CAD: variants seen among roughly 807,000 people sequenced by gnomAD.
CAD encodes multifunctional protein CAD.
CAD carries 81 observed loss-of-function variants against 237.2 expected under a neutral mutation model. That is an observed-to-expected ratio of 0.34 (90% CI 0.29 to 0.41). CAD has a LOEUF of 0.41. Among genes scored for constraint, CAD ranks in the 10% least tolerant of loss-of-function variants. The pLI is 1.00. For missense variants in CAD, 2,181 were observed against 2,951.7 expected (o/e 0.74, Z 6.05); for synonymous variants, 1,196 against 1,162.8 (o/e 1.03, Z -0.58).
intron 16 of CAD, 69 bp from the exon 17 acceptor site, chr2:27,231,911 C>T (rs1377798044): frequency 1.3e-6 from 2 of 1,581,196 alleles, no homozygotes; most frequent in African/African-American, 2.7e-5. Flanking sequence ...GAGACAAGAG[C>T]AGCTACTTAC....
At position 27,221,850 on chromosome 2, in the gene CAD, G is replaced by A. The variant is rs140097183; in HGVS notation, c.353-344G>A. Among the ~76,000 whole-genome samples the A allele has an allele frequency of 5.8e-3, 747 of 128,386 alleles. 3 individuals carry two copies. Among genetic ancestry groups the A allele is most frequent in the African/African-American group, 0.021 (701 of 32,908 alleles). 84.2% of individuals were successfully genotyped at this position (128,386 alleles called of 152,430 possible). The stretch of plus-strand genomic sequence containing the variant: ...TTGGTTGATAAGTCTCTTAATCTGT[G>A]GACCTTGTAACCTATTTGAAAACAG... On this transcript the variant is annotated intron_variant, in intron 3 of 43. Transcript: ENST00000264705.
Position 27,223,655 on chromosome 2 carries a change from C to G in CAD, c.902C>G (p.Thr301Arg). Reference sequence around the variant, plus strand: ...CAGAACCATGGGTTTGCTGTGGAGACAGACTCACTGCCAGCAGACTGGGCT... The same window carrying G: ...CAGAACCATGGGTTTGCTGTGGAGAGAGACTCACTGCCAGCAGACTGGGCT... Reference protein sequence around the residue: ...TSQNHGFAVETDSLPADWAPL... With the variant: ...TSQNHGFAVERDSLPADWAPL... Residue 301 changes from threonine (T) to arginine (R), a missense_variant, in exon 7 of 44, where the codon ACA becomes AGA. Coordinates refer to ENST00000264705, the MANE Select transcript of CAD (RefSeq NM_004341.5). The G allele has an allele frequency of 6.2e-7, 1 of 1,614,146 alleles. No homozygotes were observed. The highest frequency in any genetic ancestry group is 8.5e-7 in the Non-Finnish European group (1 of 1,180,016).
At position 27,232,507 on chromosome 2, in the gene CAD, A is replaced by G. The variant is rs1340654473; in HGVS notation, c.2705A>G (p.Gln902Arg). Residue 902 changes from glutamine to arginine, a missense_variant, in exon 18 of 44, where the codon CAG (glutamine) becomes CGG (arginine). Transcript: ENST00000264705. The surrounding 1 kb of genome is among the most constrained non-coding windows in gnomAD (Gnocchi z 4.1). ...CTGGGGATCTGTCCAGCAGTGAAAC[A>G]GATTGACACAGTTGCAGCTGAGTGG... The part of the protein sequence containing the change: ...QELGICPAVK[Q>R]IDTVAAEWPA... The G allele has an allele frequency of 1.2e-6, 2 of 1,614,240 alleles. No individual in the cohort carries two copies. The highest frequency in any genetic ancestry group is 1.7e-4 in the Middle Eastern group (1 of 6,060).
chr2:27,240,092 T>C lies in CAD; in HGVS notation c.5497-173T>C. 1 of 636,198 alleles carries C rather than the reference T, an allele frequency of 1.6e-6. No homozygotes were observed. The highest frequency in any genetic ancestry group is 2.7e-6 in the Non-Finnish European group (1 of 365,124). 39.4% of individuals were successfully genotyped at this position (636,198 alleles called of 1,614,324 possible). Reference sequence around the variant, plus strand: ...CCCATCTCTACTAAAAATAAAAAAATTAGCCAGGCGTGGTGGTGCACATCT... The same window carrying C: ...CCCATCTCTACTAAAAATAAAAAAACTAGCCAGGCGTGGTGGTGCACATCT... On this transcript the variant is annotated intron_variant, in intron 34 of 43. Transcript: ENST00000264705. This position sits in a 1 kb window ranked among gnomAD's most constrained non-coding sequence, Gnocchi z 4.6.
Position 27,242,170 on chromosome 2 carries a change from A to C in CAD, c.6096+47A>C. On this transcript the variant is annotated intron_variant, in intron 39 of 43. Transcript: ENST00000264705. The surrounding 1 kb of genome is among the most constrained non-coding windows in gnomAD (Gnocchi z 6.4). ...AGATGGGGTTAAGAAGGCTGGACCC[A>C]GGGGCATGAGAACCCTTCTGCCCAC... is the stretch of plus-strand genomic sequence containing the variant. 1 of 1,599,588 alleles carries C rather than the reference A, an allele frequency of 6.3e-7. No homozygotes were observed. The highest frequency in any genetic ancestry group is 2.2e-5 in the East Asian group (1 of 44,564).
chr2:27,232,269 G>A lies in CAD; in HGVS notation c.2645+45G>A, dbSNP rs1284373905. 1 of 1,608,156 alleles carries A rather than the reference G, an allele frequency of 6.2e-7. No homozygotes were observed. The highest frequency in any genetic ancestry group is 1.7e-5 in the Admixed American group (1 of 59,962). On this transcript the variant is annotated intron_variant, in intron 17 of 43. Coordinates refer to ENST00000264705, the MANE Select transcript of CAD (RefSeq NM_004341.5). The surrounding 1 kb of genome is among the most constrained non-coding windows in gnomAD (Gnocchi z 4.1). The stretch of plus-strand genomic sequence containing the variant: ...GCTTCCGGCTGGGAAATGTGGGGCA[G>A]AACCTTTGTATCAGTGAGGGACCCT...
At chr2:27,229,047 T>C (rs1276844880) in intron 15 of CAD, among the ~76,000 whole-genome samples, 1 of 151,206 alleles carries the variant, frequency 6.6e-6, no homozygotes, top group Non-Finnish European at 1.5e-5. Flanking sequence ...GCCTCCTGAG[T>C]AGCTGGGACT....
Position 27,233,321 on chromosome 2 carries a change from G to A in CAD, c.3001G>A (p.Asp1001Asn), listed in dbSNP as rs1038158706. 4.3e-6 allele frequency: 7 copies of A among 1,613,934 alleles called. No individual in the cohort carries two copies. Among genetic ancestry groups the A allele is most frequent in the Non-Finnish European group, 5.9e-6 (7 of 1,179,812 alleles). ...FDEISFEVVM[D>N]IYELENPEGV... ...TCCCCCTGCAACGTAGGTGGTGATG[G>A]ACATCTATGAGCTCGAGAACCCTGA... The change falls in exon 20 of 44, where the codon GAC (aspartate) becomes AAC (asparagine). Residue 1001 changes from aspartate (D) to asparagine (N), a missense_variant. Around this residue, in one of 12 missense-constraint regions of CAD, gnomAD observed 385 missense variants for 535.1 expected, o/e 0.72. Transcript: ENST00000264705. This position sits in a 1 kb window ranked among gnomAD's most constrained non-coding sequence, Gnocchi z 6.3.
chr2:27,222,290 T>A lies in CAD; in HGVS notation c.449T>A (p.Phe150Tyr). ...QNGTEPSSLP[F>Y]LDPNARPLVP... ...GGAACAGAACCTTCATCCCTGCCATTCTTGGACCCCAATGCCCGCCCCCTG... is the reference window on the plus strand; with the variant it reads ...GGAACAGAACCTTCATCCCTGCCATACTTGGACCCCAATGCCCGCCCCCTG... Residue 150 changes from phenylalanine to tyrosine, a missense_variant, in exon 4 of 44, where the codon TTC becomes TAC. This residue lies in a region of CAD where 314 missense variants were observed against 339.4 expected (regional missense o/e 0.93). Coordinates refer to ENST00000264705, the MANE Select transcript of CAD (RefSeq NM_004341.5). 6.2e-7 allele frequency: 1 copy of A among 1,613,720 alleles called. No individual in the cohort carries two copies. The highest frequency in any genetic ancestry group is 8.5e-7 in the Non-Finnish European group (1 of 1,179,700).
chr2:27,239,522 G>A lies in CAD; in HGVS notation c.5394+51G>A, dbSNP rs764198150. ...TCAGTAGTGCCCTCTTCTGCACCAC[G>A]TTCATTTCTTCCCTTCCCAGCACAT... is the stretch of plus-strand genomic sequence containing the variant. On this transcript the variant is annotated intron_variant, in intron 33 of 43. Coordinates refer to ENST00000264705, the MANE Select transcript of CAD (RefSeq NM_004341.5). This position sits in a 1 kb window ranked among gnomAD's most constrained non-coding sequence, Gnocchi z 4.0. 22 of 1,585,646 alleles carry A rather than the reference G, an allele frequency of 1.4e-5. No homozygotes were observed. In the Admixed American group the frequency reaches 2.2e-4, roughly 16 times the overall value.
rs79852072 is a variant in CAD, at chr2:27,226,770, C to T, written c.2157-62C>T. ...ATTTGTGGGAATGGAAAGAGCTATC[C>T]GGAAGCTCACCCTTTATGCTTCCTT... On this transcript the variant is annotated intron_variant, in intron 14 of 43. Coordinates refer to ENST00000264705, the MANE Select transcript of CAD (RefSeq NM_004341.5). 695 of 1,604,622 alleles carry T rather than the reference C, an allele frequency of 4.3e-4. 1 individual carries two copies. The highest frequency in any genetic ancestry group is 5.8e-4 in the East Asian group (26 of 44,728).
chr2:27,238,724 C>CT (rs1676147751), intron 31 of CAD, 92 bp downstream of exon 31: 1 of 1,210,656 alleles, frequency 8.3e-7, no homozygotes, highest in African/African-American at 1.5e-5. Context: ...CCTCAGGACT[C>CT]TACTAGGACA....
At position 27,221,234 on chromosome 2, in the gene CAD, G is replaced by A; in HGVS notation, c.239G>A (p.Gly80Asp). The change falls in exon 3 of 44, where the codon GGC becomes GAC. Residue 80 changes from glycine (G) to aspartate (D), a missense_variant. This residue lies in a region of CAD where 314 missense variants were observed against 339.4 expected (regional missense o/e 0.93). Transcript: ENST00000264705. ...FGLCKWFESSGIHVAALVVGE... is the reference protein window; with the variant it reads ...FGLCKWFESSDIHVAALVVGE... ...CATCTACAGTGGTTTGAATCCTCGGGCATCCACGTAGCAGCACTGGTAGTG... is the reference window on the plus strand; with the variant it reads ...CATCTACAGTGGTTTGAATCCTCGGACATCCACGTAGCAGCACTGGTAGTG... 6.4e-7 allele frequency: 1 copy of A among 1,551,900 alleles called. No homozygotes were observed. Among genetic ancestry groups the A allele is most frequent in the South Asian group, 1.2e-5 (1 of 80,742 alleles).
intron 22 of CAD, 40 bp downstream of exon 22, chr2:27,234,266 T>G: frequency 6.4e-7 from 1 of 1,557,406 alleles, no homozygotes; most frequent in Non-Finnish European, 8.9e-7. Context: ...GCCACAGCTC[T>G]TGCATGTTCT....
At position 27,236,589 on chromosome 2, in the gene CAD, G is replaced by A; in HGVS notation, c.4314+66G>A. 1 of 1,595,392 alleles carries A rather than the reference G, an allele frequency of 6.3e-7. No individual in the cohort carries two copies. The stretch of plus-strand genomic sequence containing the variant: ...TGATGGGAAGAAGAAAGAGGGAGGA[G>A]TGAGTATGGAACAGCCATGCTAGTA... On this transcript the variant is annotated intron_variant, in intron 26 of 43. Coordinates refer to ENST00000264705, the MANE Select transcript of CAD (RefSeq NM_004341.5). This position sits in a 1 kb window ranked among gnomAD's most constrained non-coding sequence, Gnocchi z 4.1.
At position 27,242,336 on chromosome 2, in the gene CAD, A is replaced by T; in HGVS notation, c.6131A>T (p.Asn2044Ile). The T allele has an allele frequency of 1.2e-6, 2 of 1,613,950 alleles. No homozygotes were observed. Among genetic ancestry groups the T allele is most frequent in the East Asian group, 2.2e-5 (1 of 44,860 alleles). The change falls in exon 40 of 44, where the codon AAT (asparagine) becomes ATT (isoleucine). Residue 2044 changes from asparagine to isoleucine, a missense_variant. Physicochemically the swap from Asn to Ile is moderately radical, Grantham distance 149. This residue lies in a region of CAD where 203 missense variants were observed against 284.5 expected (regional missense o/e 0.71). Transcript: ENST00000264705. The surrounding 1 kb of genome is among the most constrained non-coding windows in gnomAD (Gnocchi z 6.4). ...AAGCACTGCCGGAGGCCAGTGATCA[A>T]TGCTGGGGATGGGGTCGGAGAGCAC... ...AAKHCRRPVINAGDGVGEHPT... is the reference protein window; with the variant it reads ...AAKHCRRPVIIAGDGVGEHPT...
Position 27,243,789 on chromosome 2 carries a change from C to T in CAD, c.*271C>T. The T allele has an allele frequency of 2.1e-6, 1 of 476,022 alleles. No individual in the cohort carries two copies. Among genetic ancestry groups the T allele is most frequent in the Non-Finnish European group, 3.8e-6 (1 of 266,532 alleles). 29.5% of individuals were successfully genotyped at this position (476,022 alleles called of 1,614,324 possible). On this transcript the variant is annotated 3_prime_UTR_variant, in exon 44 of 44. Transcript: ENST00000264705. ...TAAACAGCCGAGCTGTCCCTTGATG[C>T]TGAGTGTAGTAGAACAGAGCTTTCT...
intron 22 of CAD, 69 bp downstream of exon 22, chr2:27,234,295 T>A: frequency 7.0e-7 from 1 of 1,426,132 alleles, no homozygotes; most frequent in Non-Finnish European, 9.9e-7. Context: ...CACAGTGCCA[T>A]GAAGCCCTGC....
chr2:27,230,560 A>G (rs925617230), intron 15 of CAD, among the ~76,000 whole-genome samples: 1 of 151,520 alleles, frequency 6.6e-6, no homozygotes, highest in African/African-American at 2.4e-5. Context: ...CAGGAAGCAG[A>G]GGTTGCAGTG....
Sources: gnomAD v4.1 joint callset for allele counts (sites outside exome capture counted in the v4.1 genomes callset) on GRCh38, gnomAD v4.1.1 for gene constraint, gnomAD v4.1.1 regional missense constraint, Gnocchi (gnomAD v3.1) non-coding constraint, MANE v1.5 for transcripts, NCBI Gene and HGNC (gene_info 2026-07-23, HGNC 2026-07-21) for gene names.